HS3ST4: variants seen among roughly 807,000 people sequenced by gnomAD.
HS3ST4 encodes heparan sulfate glucosamine 3-O-sulfotransferase 4.
A neutral mutation model predicts 29.2 loss-of-function variants in HS3ST4; 17 were observed. The ratio of observed to expected loss-of-function variants is 0.58; its 90% CI spans 0.40 to 0.87. HS3ST4 has a LOEUF of 0.87. Ranked by LOEUF, HS3ST4 falls within the 40% of genes least tolerant of loss-of-function variation. The pLI is 0.00. For synonymous variants in HS3ST4, 314 were observed against 285.7 expected (o/e 1.10, Z -1.00); for missense variants, 627 against 634.5 (o/e 0.99, Z 0.13).
Position 25,871,378 on chromosome 16 carries a change from A to G in HS3ST4, c.734+178227A>G, listed in dbSNP as rs369006411. On this transcript the variant is annotated intron_variant, in intron 1 of 1. Coordinates refer to ENST00000331351, the MANE Select transcript of HS3ST4 (RefSeq NM_006040.3). ...TGAGAGGCATATTTTTGTGGTTGCC[A>G]CAGAGAAGGTGCACAAGGTCTAAAT... Among the ~76,000 whole-genome samples the G allele has an allele frequency of 7.5e-4, 115 of 152,330 alleles. 4 individuals carry two copies. In the South Asian group the frequency reaches 0.022, roughly 29 times the overall value.
chr16:25,949,932 G>T (rs1325366540), intron 1 of HS3ST4, among the ~76,000 whole-genome samples: 2 of 152,152 alleles, frequency 1.3e-5, no homozygotes, highest in African/African-American at 4.8e-5. Context: ...TTTGTTCAAG[G>T]AGAGAATCTT....
intron 1 of HS3ST4, among the ~76,000 whole-genome samples, chr16:25,823,064 C>A (rs558079865): frequency 6.6e-6 from 1 of 152,108 alleles, no homozygotes; most frequent in South Asian, 2.1e-4. Context: ...ATAACAGCAT[C>A]GTGTTTTCTT....
At chr16:26,041,934 G>A (rs1969639576) in intron 1 of HS3ST4, among the ~76,000 whole-genome samples, 1 of 152,118 alleles carries the variant, frequency 6.6e-6, no homozygotes, top group South Asian at 2.1e-4. Flanking sequence ...TGCTTCAGTG[G>A]GTCTGGGCCT....
rs1180135620 is a variant in HS3ST4, at chr16:25,692,939, G to C, written c.522G>C (p.Arg174=). 1.2e-6 allele frequency: 2 copies of C among 1,608,722 alleles called. No homozygotes were observed. Among genetic ancestry groups the C allele is most frequent in the Non-Finnish European group, 1.7e-6 (2 of 1,178,276 alleles). ...SSTTDEDLAG[R]RAANGSSERG... The stretch of plus-strand genomic sequence containing the variant: ...CCACCGACGAGGATCTCGCAGGCCG[G>C]AGAGCGGCCAACGGGAGCAGCGAGA... Residue 174 remains arginine, a synonymous_variant, in exon 1 of 2, where the codon CGG becomes CGC. Transcript: ENST00000331351.
chr16:25,933,230 G>A (rs1968483438), intron 1 of HS3ST4: 3 of 404,000 alleles, frequency 7.4e-6, no homozygotes, highest in Non-Finnish European at 4.9e-6. Flanking sequence ...AGGCGAAGAG[G>A]AAGACTTCTC....
intron 1 of HS3ST4, among the ~76,000 whole-genome samples, chr16:25,740,883 T>A (rs76234984): frequency 1.4e-4 from 22 of 152,294 alleles, no homozygotes; most frequent in African/African-American, 5.3e-4. Flanking sequence ...TACTTTTTAA[T>A]CTTATTTGCT....
chr16:25,932,223 A>T (rs1054377997), intron 1 of HS3ST4, among the ~76,000 whole-genome samples: 2 of 152,094 alleles, frequency 1.3e-5, no homozygotes, highest in African/African-American at 4.8e-5. Flanking sequence ...CTGAGGTGGG[A>T]GGATCGCTTG....
intron 1 of HS3ST4, among the ~76,000 whole-genome samples, chr16:25,857,442 G>A (rs571324419): frequency 6.6e-6 from 1 of 152,250 alleles, no homozygotes; most frequent in South Asian, 2.1e-4. Flanking sequence ...ACCTTACATT[G>A]TTTGAATGAG....
At chr16:26,117,536 T>C (rs1899216464) in intron 1 of HS3ST4, among the ~76,000 whole-genome samples, 1 of 152,242 alleles carries the variant, frequency 6.6e-6, no homozygotes, top group African/African-American at 2.4e-5. Flanking sequence ...CTGCATTTCA[T>C]GGCTGAGGTC....
chr16:26,082,773 C>T (rs1898739221), intron 1 of HS3ST4, among the ~76,000 whole-genome samples: 2 of 152,230 alleles, frequency 1.3e-5, no homozygotes, highest in Non-Finnish European at 2.9e-5. Context: ...GAGCATCCGT[C>T]ATCCTGGAAT....
intron 1 of HS3ST4, among the ~76,000 whole-genome samples, chr16:25,919,712 T>A (rs1194895722): frequency 1.3e-5 from 2 of 152,104 alleles, no homozygotes; most frequent in Non-Finnish European, 2.9e-5. Context: ...GAAATAGGTG[T>A]CACCAAAGAC....
chr16:25,716,845 G>A (rs1337744345), intron 1 of HS3ST4, among the ~76,000 whole-genome samples: 1 of 152,114 alleles, frequency 6.6e-6, no homozygotes, highest in East Asian at 1.9e-4. Flanking sequence ...CCTGAAGTTG[G>A]GAGTTTGAGA....
chr16:26,079,643 A>G (rs1898703025), intron 1 of HS3ST4, among the ~76,000 whole-genome samples: 1 of 152,214 alleles, frequency 6.6e-6, no homozygotes, highest in South Asian at 2.1e-4. Context: ...ATTGTCCAAA[A>G]TTATCAGTCC....
At chr16:25,872,333 T>C (rs1251595975) in intron 1 of HS3ST4, among the ~76,000 whole-genome samples, 12 of 152,086 alleles carry the variant, frequency 7.9e-5, no homozygotes, top group Admixed American at 7.9e-4. Flanking sequence ...TGATTCTCTG[T>C]TTTTTTCAGA....
intron 1 of HS3ST4, among the ~76,000 whole-genome samples, chr16:26,088,606 C>T (rs1263172767): frequency 1.3e-5 from 2 of 152,316 alleles, no homozygotes; most frequent in East Asian, 3.9e-4. Context: ...ATCCCCCAAA[C>T]ATACCCATTT....
intron 1 of HS3ST4, among the ~76,000 whole-genome samples, chr16:26,026,918 C>T (rs577353673): frequency 1.6e-4 from 25 of 152,232 alleles, no homozygotes; most frequent in African/African-American, 5.5e-4. Flanking sequence ...AAATGCTAAA[C>T]CTTTTGCGTG....
intron 1 of HS3ST4, among the ~76,000 whole-genome samples, chr16:26,130,958 T>C (rs964802591): frequency 9.9e-5 from 15 of 152,222 alleles, no homozygotes; most frequent in African/African-American, 3.4e-4. Flanking sequence ...ACTTGGTATC[T>C]TCCCCTAAAA....
intron 1 of HS3ST4, among the ~76,000 whole-genome samples, chr16:26,114,207 A>T (rs1001186798): frequency 6.6e-6 from 1 of 152,312 alleles, no homozygotes; most frequent in Admixed American, 6.5e-5. Flanking sequence ...CTCCTTGCTG[A>T]GGAACTGAAA....
chr16:25,759,025 A>G (rs1360644515), intron 1 of HS3ST4, among the ~76,000 whole-genome samples: 1 of 152,060 alleles, frequency 6.6e-6, no homozygotes, highest in Admixed American at 6.5e-5. Flanking sequence ...TCGAAATGGA[A>G]GTGTTTGATG....
Sources: gnomAD v4.1 joint callset for allele counts (sites outside exome capture counted in the v4.1 genomes callset) on GRCh38, gnomAD v4.1.1 for gene constraint, MANE v1.5 for transcripts, NCBI Gene and HGNC (gene_info 2026-07-23, HGNC 2026-07-21) for gene names.